Variants in SEMA6D observed in about 807,000 individuals in gnomAD.
SEMA6D encodes semaphorin 6D, also known as semaphorin-6D.
SEMA6D carries 35 observed loss-of-function variants against 106.6 expected under a neutral mutation model. The observed-to-expected ratio is 0.33, with a 90% CI of 0.25 to 0.44. The LOEUF is 0.44. Ranked by LOEUF, SEMA6D falls within the 20% of genes least tolerant of loss-of-function variation. The pLI, the probability that SEMA6D is intolerant of heterozygous loss-of-function variation, is 1.00. For missense variants in SEMA6D, 1,185 were observed against 1,345.9 expected (o/e 0.88, Z 1.87); for synonymous variants, 499 against 487.7 (o/e 1.02, Z -0.31).
chr15:47,352,227 T>C (rs2038353941), intron 1 of SEMA6D, among the ~76,000 whole-genome samples: 2 of 152,242 alleles, frequency 1.3e-5, no homozygotes, highest in Admixed American at 6.5e-5. Flanking sequence ...ATTTTTATTA[T>C]ATTTCTTTAC....
rs1244326171 is a variant in SEMA6D at position 47,752,985 on chromosome 15, G to GGTGGAGATT, written c.-54-6759_-54-6758insTGGAGATTG. 2.0e-3 allele frequency among the ~76,000 whole-genome samples: 309 copies of GGTGGAGATT among 151,716 alleles called. 6 individuals carry two copies. The East Asian group carries it at 0.052, about 26-fold the overall frequency. Reference sequence around the variant, plus strand: ...GGTTGCACCACTGCACTCCACCCTGGGCAACAGAGCAAGACACTGTCAAAA... The same window carrying GGTGGAGATT: ...GGTTGCACCACTGCACTCCACCCTGGGTGGAGATTGCAACAGAGCAAGACACTGTCAAAA... On this transcript the variant is annotated intron_variant, in intron 1 of 18. Coordinates refer to ENST00000536845, the MANE Select transcript of SEMA6D (RefSeq NM_001358351.3).
At position 47,198,330 on chromosome 15, in the gene SEMA6D, C is replaced by A. The variant is rs1894496591; in HGVS notation, c.-239+13912C>A. The stretch of plus-strand genomic sequence containing the variant: ...GCTGTGGGCGGATTTTGTGTTCTCA[C>A]TACAAAATATGACAACTCTGTGAGG... On this transcript the variant is annotated intron_variant, in intron 1 of 19. Coordinates refer to the SEMA6D transcript ENST00000558014. 2.6e-5 allele frequency among the ~76,000 whole-genome samples: 4 copies of A among 152,074 alleles called. No homozygotes were observed. In the South Asian group the frequency reaches 8.3e-4, roughly 32 times the overall value.
intron 4 of SEMA6D, among the ~76,000 whole-genome samples, chr15:47,635,222 G>A (rs763463054): frequency 6.6e-5 from 10 of 152,114 alleles, no homozygotes; most frequent in Non-Finnish European, 8.8e-5. Context: ...GAATGTTTAC[G>A]CCACTGACTT....
intron 3 of SEMA6D, among the ~76,000 whole-genome samples, chr15:47,567,679 T>C (rs1596332095): frequency 6.6e-6 from 1 of 152,216 alleles, no homozygotes; most frequent in African/African-American, 2.4e-5. Flanking sequence ...CTAGTTCTTA[T>C]AACTGTCTAA....
intron 4 of SEMA6D, among the ~76,000 whole-genome samples, chr15:47,637,231 T>C (rs184869370): frequency 1.1e-4 from 16 of 152,312 alleles, no homozygotes; most frequent in African/African-American, 3.8e-4. Flanking sequence ...CCTCAACTTA[T>C]ACTCCAAGAA....
intron 1 of SEMA6D, among the ~76,000 whole-genome samples, chr15:47,192,418 C>T (rs1233473880): frequency 6.6e-6 from 1 of 152,154 alleles, no homozygotes; most frequent in African/African-American, 2.4e-5. Context: ...AGACTATTCC[C>T]TTAGACCTAG....
intron 1 of SEMA6D, among the ~76,000 whole-genome samples, chr15:47,384,184 G>A (rs2039738189): frequency 6.6e-6 from 1 of 152,178 alleles, no homozygotes; most frequent in Non-Finnish European, 1.5e-5. Flanking sequence ...GACAACAGTT[G>A]TATTAAAGGA....
intron 1 of SEMA6D, among the ~76,000 whole-genome samples, chr15:47,756,672 T>C (rs1295255109): frequency 6.6e-6 from 1 of 152,280 alleles, no homozygotes; most frequent in Non-Finnish European, 1.5e-5. Context: ...CCTGCCCTTT[T>C]TCAGCATAAC....
chr15:47,726,342 G>T (rs1256482478), intron 1 of SEMA6D, among the ~76,000 whole-genome samples: 1 of 152,238 alleles, frequency 6.6e-6, no homozygotes, highest in Non-Finnish European at 1.5e-5. Flanking sequence ...TATGTGCCTG[G>T]TACACTTTTA....
At chr15:47,234,147 A>T (rs879635411) in intron 1 of SEMA6D, among the ~76,000 whole-genome samples, 10 of 151,904 alleles carry the variant, frequency 6.6e-5, no homozygotes, top group Non-Finnish European at 1.0e-4. Flanking sequence ...AATGTCTGAC[A>T]TATTTCTGGG....
intron 4 of SEMA6D, among the ~76,000 whole-genome samples, chr15:47,659,408 AAAAAAT>A (rs1292336782): frequency 6.6e-6 from 1 of 151,888 alleles, no homozygotes; most frequent in Non-Finnish European, 1.5e-5. Context: ...CAAAAAAAGT[AAAAAAT>A]AAAAATAAAA....
rs188007589 is a variant in SEMA6D, at chr15:47,498,527, C to T, written c.-87+27982C>T. Among the ~76,000 whole-genome samples, 131 of 152,174 alleles carry T rather than the reference C, an allele frequency of 8.6e-4. 2 individuals are homozygous for T. In the East Asian group the frequency reaches 0.022, roughly 26 times the overall value. ...AATGAGGAATTTCAGGAGTCCACATCCTTCTGGTTTATAGATATGTGTATT... is the reference window on the plus strand; with the variant it reads ...AATGAGGAATTTCAGGAGTCCACATTCTTCTGGTTTATAGATATGTGTATT... On this transcript the variant is annotated intron_variant, in intron 3 of 19. Transcript: ENST00000558014.
intron 1 of SEMA6D, among the ~76,000 whole-genome samples, chr15:47,283,491 C>T (rs2035223932): frequency 6.6e-6 from 1 of 152,162 alleles, no homozygotes; most frequent in Non-Finnish European, 1.5e-5. Flanking sequence ...ATTCCTGCCA[C>T]TTTTCTTTCC....
intron 1 of SEMA6D, among the ~76,000 whole-genome samples, chr15:47,300,171 TG>T (rs1362323254): frequency 6.6e-6 from 1 of 152,164 alleles, no homozygotes; most frequent in Non-Finnish European, 1.5e-5. Flanking sequence ...GCTCAGCTGC[TG>T]TGCTTTCCTC....
chr15:47,430,929 T>C (rs1369044043), intron 2 of SEMA6D, among the ~76,000 whole-genome samples: 1 of 152,166 alleles, frequency 6.6e-6, no homozygotes, highest in Non-Finnish European at 1.5e-5. Flanking sequence ...CAGATGGTCA[T>C]GAGCCCTAGC....
At chr15:47,489,857 G>A (rs920153627) in intron 3 of SEMA6D, among the ~76,000 whole-genome samples, 1 of 152,016 alleles carries the variant, frequency 6.6e-6, no homozygotes, top group African/African-American at 2.4e-5. Flanking sequence ...TCATCACGTT[G>A]GCCAGGCTGG....
intron 3 of SEMA6D, among the ~76,000 whole-genome samples, chr15:47,489,691 G>T (rs1483470744): frequency 1.3e-5 from 2 of 150,694 alleles, no homozygotes; most frequent in Non-Finnish European, 2.9e-5. Context: ...TTGCTCTCTT[G>T]CCCAGGCTGG....
At chr15:47,539,881 G>A (rs1250681181) in intron 3 of SEMA6D, among the ~76,000 whole-genome samples, 1 of 152,026 alleles carries the variant, frequency 6.6e-6, no homozygotes, top group Non-Finnish European at 1.5e-5. Context: ...ATTTCACTGG[G>A]GAAATCATTG....
intron 1 of SEMA6D, among the ~76,000 whole-genome samples, chr15:47,296,132 C>T (rs2035793786): frequency 6.6e-6 from 1 of 152,188 alleles, no homozygotes; most frequent in African/African-American, 2.4e-5. Flanking sequence ...AATTGAGCTC[C>T]TTTCCTCTAC....
Sources: allele counts gnomAD v4.1 joint callset (sites outside exome capture counted in the v4.1 genomes callset), GRCh38; gene constraint gnomAD v4.1.1; transcripts MANE v1.5; gene names NCBI Gene and HGNC (gene_info 2026-07-23, HGNC 2026-07-21).